The following PIK3C2G variants were observed in gnomAD, a reference collection of about 807,000 sequenced individuals.
PIK3C2G encodes the protein phosphatidylinositol-4-phosphate 3-kinase catalytic subunit type 2 gamma.
PIK3C2G carries 168 observed loss-of-function variants against 181.1 expected under a neutral mutation model. The observed-to-expected ratio is 0.93, with a 90% CI of 0.82 to 1.05. The LOEUF (loss-of-function observed/expected upper bound fraction) is 1.05. Among genes scored for constraint, PIK3C2G ranks in the 50% least tolerant of loss-of-function variants. The pLI is 0.00. For synonymous variants in PIK3C2G, 573 were observed against 592.2 expected (o/e 0.97, Z 0.47); for missense variants, 1,869 against 1,732.8 (o/e 1.08, Z -1.40).
chr12:18,715,388 T>C, the PIK3C2G span, among the ~76,000 whole-genome samples: 102 of 151,584 alleles, frequency 6.7e-4, no homozygotes, highest in Non-Finnish European at 1.3e-3. Context: ...TAAATTCTTT[T>C]GGGGTGTTTG....
At chr12:18,529,975 G>T (rs1025625836) in intron 24 of PIK3C2G, among the ~76,000 whole-genome samples, 6 of 152,026 alleles carry the variant, frequency 3.9e-5, no homozygotes, top group African/African-American at 1.4e-4. Context: ...AGCAGCCAAG[G>T]GCTCTAAGAC....
intron 24 of PIK3C2G, among the ~76,000 whole-genome samples, chr12:18,529,700 C>A (rs2136211479): frequency 6.6e-6 from 1 of 152,218 alleles, no homozygotes; most frequent in Middle Eastern, 3.4e-3. Flanking sequence ...TTTCAGAGTT[C>A]ATTTATTACA....
chr12:18,249,857 T>G (rs1187934291), intron 1 of PIK3C2G, among the ~76,000 whole-genome samples: 33 of 152,074 alleles, frequency 2.2e-4, no homozygotes, highest in Non-Finnish European at 3.4e-4. Context: ...AACTGTCCTT[T>G]TTAAACTTTT....
intron 11 of PIK3C2G, among the ~76,000 whole-genome samples, chr12:18,353,722 T>C (rs1387490969): frequency 6.6e-6 from 1 of 152,188 alleles, no homozygotes; most frequent in Non-Finnish European, 1.5e-5. Flanking sequence ...TATCAGGGGC[T>C]GCCTGAGTAA....
At chr12:18,258,752 AG>A (rs910792797), upstream of PIK3C2G, among the ~76,000 whole-genome samples, 1 of 151,988 alleles carries the variant, frequency 6.6e-6, no homozygotes, top group African/African-American at 2.4e-5. Flanking sequence ...GTTCAAGTTT[AG>A]TACAAAATGT....
At position 18,319,241 on chromosome 12, in the gene PIK3C2G, T is replaced by G. The variant is rs868543494; in HGVS notation, c.1138-1721T>G. ...TCTATCTCAAATTTGGTCAAAAGTA[T>G]GCCAACGTTGTAGAATCATAAAATC... is the stretch of plus-strand genomic sequence containing the variant. On this transcript the variant is annotated intron_variant, in intron 6 of 32. Transcript: ENST00000538779. Among the ~76,000 whole-genome samples, 3 of 152,182 alleles carry G rather than the reference T, an allele frequency of 2.0e-5. No homozygotes were observed. The South Asian group carries it at 6.2e-4, about 31-fold the overall frequency.
At chr12:18,665,434 G>A in the PIK3C2G span, among the ~76,000 whole-genome samples, 1 of 152,078 alleles carries the variant, frequency 6.6e-6, no homozygotes, top group Non-Finnish European at 1.5e-5. Context: ...AACAGTCATT[G>A]GTAATGTATT....
chr12:18,577,288 A>G (rs572777305), intron 29 of PIK3C2G, among the ~76,000 whole-genome samples: 29 of 152,216 alleles, frequency 1.9e-4, no homozygotes, highest in Non-Finnish European at 3.2e-4. Context: ...ATTGTTGCCC[A>G]TCATACTCAT....
At position 18,488,448 on chromosome 12, in the gene PIK3C2G, G is replaced by T; in HGVS notation, c.2505-1G>T. ...AATTTTTTTCTCTCTCTTTCCTTCAGGCTGCTAAAAAATGCAGAAAATGAA... is the reference window on the plus strand; with the variant it reads ...AATTTTTTTCTCTCTCTTTCCTTCATGCTGCTAAAAAATGCAGAAAATGAA... On this transcript the variant is annotated splice_acceptor_variant, in intron 18 of 32. Transcript: ENST00000538779. LOFTEE classifies it high-confidence loss of function. 6.7e-7 allele frequency: 1 copy of T among 1,502,518 alleles called. No homozygotes were observed. Among genetic ancestry groups the T allele is most frequent in the Non-Finnish European group, 8.9e-7 (1 of 1,125,716 alleles). The allele number at this position is 1,502,518 out of a possible 1,614,324, so 93.1% of individuals were successfully genotyped here. A position where few individuals can be genotyped will look rare whatever the true frequency, so the allele number is the denominator to read the frequency against.
downstream of PIK3C2G, among the ~76,000 whole-genome samples, chr12:18,651,197 C>T (rs1343153464): frequency 6.6e-6 from 1 of 152,010 alleles, no homozygotes; most frequent in Non-Finnish European, 1.5e-5. Context: ...TCCCTGGGAT[C>T]TTTGATCAGC....
At chr12:18,608,537 T>A (rs771274112) in intron 30 of PIK3C2G, among the ~76,000 whole-genome samples, 132 of 117,624 alleles carry the variant, frequency 1.1e-3, no homozygotes, top group Non-Finnish European at 1.9e-3. Flanking sequence ...AAGGGGAGCA[T>A]CACACACTGG....
Position 18,591,774 on chromosome 12 carries a change from A to C in PIK3C2G, c.4012-2720A>C, listed in dbSNP as rs1476074690. On this transcript the variant is annotated intron_variant, in intron 29 of 32. Coordinates refer to ENST00000538779, the MANE Select transcript of PIK3C2G (RefSeq NM_001288772.2). ...TTTCATTTTGAAAGATCTGTTGAGC[A>C]ATTGTGTAGAGACTGGATTGGATTA... Among the ~76,000 whole-genome samples, 3 of 151,988 alleles carry C rather than the reference A, an allele frequency of 2.0e-5. No homozygotes were observed. The East Asian group carries it at 5.8e-4, about 29-fold the overall frequency.
intron 16 of PIK3C2G, among the ~76,000 whole-genome samples, chr12:18,418,901 A>T (rs1467120198): frequency 1.3e-5 from 2 of 152,188 alleles, no homozygotes; most frequent in African/African-American, 4.8e-5. Flanking sequence ...TTGAGCTTGG[A>T]GTTCATGGAT....
At chr12:18,519,282 C>T (rs546408792) in intron 24 of PIK3C2G, among the ~76,000 whole-genome samples, 1 of 152,180 alleles carries the variant, frequency 6.6e-6, no homozygotes, top group South Asian at 2.1e-4. Flanking sequence ...CCTTAATATC[C>T]TTGTTAATTT....
intron 1 of PIK3C2G, among the ~76,000 whole-genome samples, chr12:18,251,543 G>A (rs1948095515): frequency 6.6e-6 from 1 of 152,012 alleles, no homozygotes; most frequent in African/African-American, 2.4e-5. Context: ...ACATCAATGT[G>A]TCCCACTCTT....
intron 3 of PIK3C2G, among the ~76,000 whole-genome samples, chr12:18,288,730 T>C (rs1318666895): frequency 1.3e-5 from 2 of 152,200 alleles, no homozygotes; most frequent in Non-Finnish European, 2.9e-5. Context: ...ACTCTCTTCA[T>C]ACTTTAAGAT....
At chr12:18,701,754 A>G in the PIK3C2G span, 2 of 1,606,810 alleles carry the variant, frequency 1.2e-6, no homozygotes, top group Non-Finnish European at 1.7e-6. Context: ...CTTATTTTTA[A>G]CTAATATTTT....
intron 31 of PIK3C2G, among the ~76,000 whole-genome samples, chr12:18,620,381 A>G (rs1300849057): frequency 6.6e-6 from 1 of 152,060 alleles, no homozygotes; most frequent in Admixed American, 6.6e-5. Flanking sequence ...ATACTTTTCC[A>G]GGTGGTTATA....
intron 12 of PIK3C2G, among the ~76,000 whole-genome samples, chr12:18,367,337 CAAAG>C (rs1318355505): frequency 6.6e-6 from 1 of 152,028 alleles, no homozygotes; most frequent in South Asian, 2.1e-4. Context: ...TGAAAGAAAA[CAAAG>C]AGAGGACGTT....
Sources: allele counts gnomAD v4.1 joint callset (sites outside exome capture counted in the v4.1 genomes callset), GRCh38; gene constraint gnomAD v4.1.1; transcripts MANE v1.5; gene names NCBI Gene and HGNC (gene_info 2026-07-23, HGNC 2026-07-21).